PPIE: variants seen among roughly 807,000 people sequenced by gnomAD.
PPIE encodes the protein peptidylprolyl isomerase E.
PPIE carries 20 observed loss-of-function variants against 38.4 expected under a neutral mutation model. The ratio of observed to expected loss-of-function variants is 0.52; its 90% CI spans 0.37 to 0.76. The LOEUF is 0.76. PPIE is among the 30% of genes least tolerant of loss of function. The probability of loss-of-function intolerance (pLI) is 0.00; values close to 1 mark genes in which losing one functional copy is unlikely to be tolerated. For synonymous variants in PPIE, 142 were observed against 135.7 expected, an observed-to-expected ratio of 1.05 and a Z score of -0.32; for missense variants, 322 against 385.8, an observed-to-expected ratio of 0.83 and a Z score of 1.39.
In PPIE at chr1:39,745,477, G is replaced by A. The variant is rs1647175735; in HGVS notation, c.487G>A (p.Asp163Asn). The stretch of plus-strand genomic sequence containing the variant: ...CCGCATCCAGATGCTCCTGCGTTCT[G>A]ATGTCGTGCCCATGACAGCAGGTGA... The part of the protein sequence containing the change: ...AGRIQMLLRS[D>N]VVPMTAENFR... Residue 163 changes from aspartate to asparagine, a missense_variant, in exon 7 of 10, where the codon GAT becomes AAT. Transcript: ENST00000324379. The A allele has an allele frequency of 6.2e-7, 1 of 1,614,122 alleles. No individual in the cohort carries two copies. Among genetic ancestry groups the A allele is most frequent in the Non-Finnish European group, 8.5e-7 (1 of 1,180,054 alleles).
Position 39,756,424 on chromosome 1 carries a change from A to T in PPIE, c.*3069A>T. ...CCCACATGCTGGCCCTGAAACGGTT[A>T]CAAAGGCTGAAACCAGGGATGGCAG... On this transcript the variant is annotated 3_prime_UTR_variant, in exon 10 of 10. Coordinates refer to ENST00000324379, the MANE Select transcript of PPIE (RefSeq NM_006112.4). 1 of 985,454 alleles carries T rather than the reference A, an allele frequency of 1.0e-6. No individual in the cohort carries two copies. Among genetic ancestry groups the T allele is most frequent in the South Asian group, 4.7e-5 (1 of 21,288 alleles). The allele number at this position is 985,454 out of a possible 1,614,324, so 61.0% of individuals were successfully genotyped here.
chr1:39,750,490 A>T (rs575930602), intron 8 of PPIE, among the ~76,000 whole-genome samples: 87 of 152,250 alleles, frequency 5.7e-4, no homozygotes, highest in Non-Finnish European at 9.8e-4. Context: ...CATTATACTT[A>T]CCAGTTGAGC....
intron 9 of PPIE, chr1:39,762,244 T>C: frequency 2.9e-6 from 1 of 345,104 alleles, no homozygotes; most frequent in Non-Finnish European, 5.3e-6. Context: ...TTTTAATTTT[T>C]ATTTTAGAGA....
At chr1:39,745,635 G>A in intron 7 of PPIE, 137 bp downstream of exon 7, 3 of 1,368,958 alleles carry the variant, frequency 2.2e-6, no homozygotes, top group Non-Finnish European at 3.0e-6. Context: ...CTCAGATCCT[G>A]GGATCTAGTA....
At chr1:39,750,816 G>T (rs1647645278) in intron 8 of PPIE, among the ~76,000 whole-genome samples, 3 of 152,102 alleles carry the variant, frequency 2.0e-5, no homozygotes, top group African/African-American at 7.2e-5. Context: ...GTTACCCTGT[G>T]CTCCGTTTTT....
chr1:39,759,751 A>G (rs1648689717), downstream of PPIE: 1 of 152,286 alleles, frequency 6.6e-6, no homozygotes, highest in African/African-American at 2.4e-5. Flanking sequence ...TCTTTCCTAG[A>G]TGGCAGAGGC....
chr1:39,755,264 G>C lies in PPIE; in HGVS notation c.*1909G>C. ...GAGCTGAGCTTTTGCATCTTGGATTGAGATCTGGATGAGCCAGGAGGCAGG... is the reference window on the plus strand; with the variant it reads ...GAGCTGAGCTTTTGCATCTTGGATTCAGATCTGGATGAGCCAGGAGGCAGG... On this transcript the variant is annotated 3_prime_UTR_variant, in exon 10 of 10. Transcript: ENST00000324379. 1 of 985,478 alleles carries C rather than the reference G, an allele frequency of 1.0e-6. No homozygotes were observed. Among genetic ancestry groups the C allele is most frequent in the Non-Finnish European group, 1.2e-6 (1 of 829,950 alleles). 61.0% of individuals were successfully genotyped at this position (985,478 alleles called of 1,614,324 possible). A position where few individuals can be genotyped will look rare whatever the true frequency, so the allele number is the denominator to read the frequency against.
chr1:39,759,933 C>T (rs147863989), downstream of PPIE: 26 of 172,380 alleles, frequency 1.5e-4, no homozygotes, highest in Admixed American at 2.3e-4. Flanking sequence ...GTTTTATACC[C>T]CACCTTGCAC....
chr1:39,753,149 A>G (rs1647922387), intron 9 of PPIE, 97 bp downstream of exon 9: 1 of 1,593,806 alleles, frequency 6.3e-7, no homozygotes, highest in Non-Finnish European at 8.6e-7. Context: ...AGAGATGGCC[A>G]GGGGCTGTGT....
Position 39,753,350 on chromosome 1 carries a change from G to A in PPIE, c.901G>A (p.Val301Met), listed in dbSNP as rs549682152. The change falls in exon 10 of 10, where the codon GTG becomes ATG. Residue 301 changes from valine (V) to methionine (M), a missense_variant. By Grantham distance (21) the Val-to-Met change is conservative. Coordinates refer to ENST00000324379, the MANE Select transcript of PPIE (RefSeq NM_006112.4). ...KVIIADCGEY[V>M] ...GATCATCGCCGACTGTGGGGAGTAC[G>A]TGTGAGGCGGCACTCTCTCTGCTTC... is the stretch of plus-strand genomic sequence containing the variant. 391 of 1,614,038 alleles carry A rather than the reference G, an allele frequency of 2.4e-4. 4 individuals carry two copies. In the South Asian group the frequency reaches 3.6e-3, roughly 15 times the overall value.
At chr1:39,742,209 G>A (rs1427499003) in intron 4 of PPIE, 3 of 328,792 alleles carry the variant, frequency 9.1e-6, no homozygotes, top group East Asian at 5.7e-5. Context: ...TTGATTGCAC[G>A]GTGTAACTGC....
intron 2 of PPIE, 138 bp downstream of exon 2, chr1:39,740,401 GAC>G (rs1436882625): frequency 1.6e-6 from 1 of 644,326 alleles, no homozygotes; most frequent in Non-Finnish European, 2.7e-6. Flanking sequence ...GGTGTCTGGT[GAC>G]AGTGATCTCG....
chr1:39,762,813 G>T (rs1488119387), intron 9 of PPIE, among the ~76,000 whole-genome samples: 1 of 152,266 alleles, frequency 6.6e-6, no homozygotes, highest in Non-Finnish European at 1.5e-5. Flanking sequence ...ACACAGGTGC[G>T]TAAGTGTCCC....
chr1:39,743,438 G>GGGCATGC, intron 5 of PPIE, 141 bp downstream of exon 5: 1 of 708,654 alleles, frequency 1.4e-6, no homozygotes, highest in Non-Finnish European at 2.4e-6. Context: ...ACATTGGGAA[G>GGGCATGC]GGCATGCACC....
chr1:39,761,493 G>C (rs1453454151), downstream of PPIE: 1 of 145,012 alleles, frequency 6.9e-6, no homozygotes, highest in Non-Finnish European at 1.5e-5. Flanking sequence ...ACATGGACCA[G>C]AACACTGCTT....
chr1:39,742,725 C>G (rs114425630), intron 4 of PPIE: 2,352 of 152,448 alleles, frequency 0.015, 30 homozygotes, highest in Non-Finnish European at 0.025. Context: ...ATTTCCCAGT[C>G]AGCCTTTTAA....
chr1:39,739,515 T>C (rs1031171143), intron 1 of PPIE, among the ~76,000 whole-genome samples: 1 of 152,150 alleles, frequency 6.6e-6, no homozygotes, highest in African/African-American at 2.4e-5. Context: ...TAGCACACTT[T>C]TGATAAGCGC....
downstream of PPIE, among the ~76,000 whole-genome samples, chr1:39,760,971 G>C (rs1259511498): frequency 7.2e-5 from 11 of 152,038 alleles, no homozygotes; most frequent in Admixed American, 5.2e-4. Flanking sequence ...CGGACCCCCA[G>C]AGGCTCTGCC....
chr1:39,748,783 G>A (rs1000917853), intron 7 of PPIE, 120 bp from the exon 8 acceptor site: 4 of 885,732 alleles, frequency 4.5e-6, no homozygotes, highest in Non-Finnish European at 6.9e-6. Context: ...TATCACAAAG[G>A]TTTATAATGA....
Sources: gnomAD v4.1 joint callset for allele counts (sites outside exome capture counted in the v4.1 genomes callset) on GRCh38, gnomAD v4.1.1 for gene constraint, MANE v1.5 for transcripts, NCBI Gene and HGNC (gene_info 2026-07-23, HGNC 2026-07-21) for gene names.